The following TP53INP1 variants were observed in gnomAD, a reference collection of about 807,000 sequenced individuals.
The protein encoded by TP53INP1 is tumor protein p53 inducible nuclear protein 1.
TP53INP1 carries 12 observed loss-of-function variants against 21.0 expected under a neutral mutation model. The observed-to-expected ratio is 0.57, with a 90% CI of 0.37 to 0.93. TP53INP1 has a LOEUF of 0.93. Ranked by LOEUF, TP53INP1 falls within the 40% of genes least tolerant of loss-of-function variation. The pLI, the probability that TP53INP1 is intolerant of heterozygous loss-of-function variation, is 0.01. For missense variants in TP53INP1, 274 were observed against 294.7 expected, an observed-to-expected ratio of 0.93 and a Z score of 0.51; for synonymous variants, 91 against 94.8, an observed-to-expected ratio of 0.96 and a Z score of 0.23.
intron 3 of TP53INP1, chr8:94,932,244 GAT>G: frequency 1.2e-6 from 1 of 859,284 alleles, no homozygotes; most frequent in Non-Finnish European, 1.8e-6. Context: ...ATGTGCTTAA[GAT>G]AACATGTAAA....
intron 3 of TP53INP1, among the ~76,000 whole-genome samples, chr8:94,938,326 T>C (rs1355862882): frequency 2.6e-5 from 4 of 152,212 alleles, no homozygotes; most frequent in African/African-American, 4.8e-5. Flanking sequence ...CATATCCTTT[T>C]GTTGTAAGGA....
chr8:94,944,161 C>A (rs1403236978), intron 1 of TP53INP1, among the ~76,000 whole-genome samples: 3 of 152,216 alleles, frequency 2.0e-5, no homozygotes, highest in Admixed American at 2.0e-4. Flanking sequence ...CCCAATTCTG[C>A]AGAGCATGGT....
intron 3 of TP53INP1, among the ~76,000 whole-genome samples, chr8:94,931,587 T>TAC (rs557721378): frequency 0.013 from 873 of 68,602 alleles, 7 homozygotes; most frequent in African/African-American, 0.021. Flanking sequence ...ACATATTTAT[T>TAC]ACACACACAC....
chr8:94,940,443 TTCTGTGTGTG>T (rs1342379432), intron 2 of TP53INP1, among the ~76,000 whole-genome samples: 1 of 85,100 alleles, frequency 1.2e-5, no homozygotes, highest in East Asian at 5.1e-4. Context: ...AGCACAGAAA[TTCTGTGTGTG>T]TGTGTGTGTG....
At position 94,929,335 on chromosome 8, in the gene TP53INP1, G is replaced by A. The variant is rs1042105754; in HGVS notation, c.*1144C>T. 2.6e-5 allele frequency: 4 copies of A among 151,926 alleles called. No individual in the cohort carries two copies. Among genetic ancestry groups the A allele is most frequent in the African/African-American group, 9.7e-5 (4 of 41,326 alleles). 9.4% of individuals were successfully genotyped at this position (151,926 alleles called of 1,614,324 possible). On this transcript the variant is annotated 3_prime_UTR_variant, in exon 4 of 4. Coordinates refer to ENST00000342697, the MANE Select transcript of TP53INP1 (RefSeq NM_033285.4). ...TGGTGGGGGAAACAGAGGCCAGAGTGGTTAAAGATTTTGCCTGAAGTTAAA... is the reference window on the plus strand; with the variant it reads ...TGGTGGGGGAAACAGAGGCCAGAGTAGTTAAAGATTTTGCCTGAAGTTAAA...
rs1820261151 is a variant in TP53INP1, at chr8:94,930,274, C to A, written c.*205G>T. On this transcript the variant is annotated 3_prime_UTR_variant, in exon 4 of 4. Transcript: ENST00000342697. ...TCCAGAAATAATCTGAAAAAGTGTA[C>A]AAAAAAAGTAAATGTTAAAGGCAAG... 1.6e-6 allele frequency: 1 copy of A among 617,150 alleles called. No individual in the cohort carries two copies. The highest frequency in any genetic ancestry group is 1.9e-5 in the African/African-American group (1 of 53,822). 38.2% of individuals were successfully genotyped at this position (617,150 alleles called of 1,614,324 possible).
chr8:94,946,281 C>T (rs1481226441), intron 1 of TP53INP1, among the ~76,000 whole-genome samples: 1 of 152,118 alleles, frequency 6.6e-6, no homozygotes, highest in Non-Finnish European at 1.5e-5. Context: ...CTAATACTCA[C>T]GGGGAAGAGC....
At position 94,940,227 on chromosome 8, in the gene TP53INP1, CGTA is replaced by C. The variant is rs1821392851; in HGVS notation, c.113-10_113-8del. The C allele has an allele frequency of 6.3e-7, 1 of 1,598,688 alleles. No homozygotes were observed. Among genetic ancestry groups the C allele is most frequent in the Admixed American group, 1.7e-5 (1 of 59,142 alleles). On this transcript the variant is annotated splice_polypyrimidine_tract_variant and splice_region_variant and intron_variant, in intron 2 of 3. Transcript: ENST00000342697. ...GAGAAACCAGTGCAAGTATCTAGAT[CGTA>C]GTCCACATTGCAGTCCACATGTGTT...
At chr8:94,940,298 C>G in intron 2 of TP53INP1, 78 bp from the exon 3 acceptor site, 1 of 1,480,426 alleles carries the variant, frequency 6.8e-7, no homozygotes, top group South Asian at 1.4e-5. Context: ...ATTGGGCAGT[C>G]ATTATAAAGT....
In TP53INP1 at chr8:94,940,915, A is replaced by C. The variant is rs1821468248; in HGVS notation, c.27T>G (p.Phe9Leu). Reference protein sequence around the residue: MFQRLNKMFVGEVSSSSNQ... With the variant: MFQRLNKMLVGEVSSSSNQ... ...TGGAGGAAGAACTGACTTCACCCAC[A>C]AACATTTTATTCAGCCTCTGGAACA... The change falls in exon 2 of 4, where the codon TTT becomes TTG. Residue 9 changes from phenylalanine (F) to leucine (L), a missense_variant. Physicochemically the swap from Phe to Leu is conservative, Grantham distance 22. Coordinates refer to ENST00000342697, the MANE Select transcript of TP53INP1 (RefSeq NM_033285.4). 1.2e-6 allele frequency: 2 copies of C among 1,613,766 alleles called. No individual in the cohort carries two copies. The highest frequency in any genetic ancestry group is 4.5e-5 in the East Asian group (2 of 44,866).
chr8:94,932,743 C>T (rs914294416), intron 3 of TP53INP1, among the ~76,000 whole-genome samples: 4 of 152,130 alleles, frequency 2.6e-5, no homozygotes, highest in African/African-American at 7.2e-5. Flanking sequence ...GCGGAGCTTG[C>T]AGTGAGCCGA....
At chr8:94,940,275 G>T (rs746313994) in intron 2 of TP53INP1, 55 bp from the exon 3 acceptor site, 166 of 1,529,232 alleles carry the variant, frequency 1.1e-4, no homozygotes, top group Non-Finnish European at 1.1e-5. Flanking sequence ...TCCCACAGGA[G>T]GATGATTATC....
At chr8:94,943,099 GGCA>G (rs1821699973) in intron 1 of TP53INP1, among the ~76,000 whole-genome samples, 1 of 152,208 alleles carries the variant, frequency 6.6e-6, no homozygotes, top group Non-Finnish European at 1.5e-5. Flanking sequence ...ATGTCCAGCA[GGCA>G]GCAGGATATA....
intron 1 of TP53INP1, among the ~76,000 whole-genome samples, chr8:94,943,256 A>C (rs991348067): frequency 3.3e-5 from 5 of 152,204 alleles, no homozygotes; most frequent in Non-Finnish European, 7.3e-5. Context: ...TGGGAGGCTG[A>C]GGCCACAGGA....
chr8:94,939,885 C>G lies in TP53INP1; in HGVS notation c.448G>C (p.Glu150Gln). ...GLSEATRGTD[E>Q]LHSPSSPRVE... ...CTGGGACTACTTGGGCTATGTAATT[C>G]ATCAGTCCCACGGGTGGCCTCACTG... Residue 150 changes from glutamate (E) to glutamine (Q), a missense_variant, in exon 3 of 4, where the codon GAA (glutamate) becomes CAA (glutamine). Physicochemically the swap from Glu to Gln is conservative, Grantham distance 29 (BLOSUM62 2). Coordinates refer to ENST00000342697, the MANE Select transcript of TP53INP1 (RefSeq NM_033285.4). The G allele has an allele frequency of 6.2e-7, 1 of 1,613,456 alleles. No homozygotes were observed. The highest frequency in any genetic ancestry group is 1.7e-5 in the Admixed American group (1 of 59,988).
intron 2 of TP53INP1, 140 bp from the exon 3 acceptor site, chr8:94,940,360 T>C: frequency 1.1e-6 from 1 of 948,110 alleles, no homozygotes; most frequent in Non-Finnish European, 1.5e-6. Flanking sequence ...TATTAGCTGA[T>C]GCTCACGTAT....
At position 94,930,497 on chromosome 8, in the gene TP53INP1, C is replaced by T. The variant is rs756928155; in HGVS notation, c.705G>A (p.Pro235=). ...GAAACTATTAGTAATTGTACTGACG[C>T]GGGCAGGGCTGATGAACAACCCAGC... ...HNGWVVHQPC[P]RQYNY Residue 235 remains proline, a synonymous_variant, in exon 4 of 4, where the codon CCG becomes CCA. Coordinates refer to ENST00000342697, the MANE Select transcript of TP53INP1 (RefSeq NM_033285.4). 2.5e-5 allele frequency: 41 copies of T among 1,614,082 alleles called. 1 individual carries two copies. Among genetic ancestry groups the T allele is most frequent in the South Asian group, 2.0e-4 (18 of 91,082 alleles).
At position 94,935,119 on chromosome 8, in the gene TP53INP1, GTAGA is replaced by G. The variant is rs1554630988; in HGVS notation, c.474-4395_474-4392del. ...GGTAGGTAGGTAGGTAGGTACATAGGTAGATAGATATAGATAGATAGATAGATAG... is the reference window on the plus strand; with the variant it reads ...GGTAGGTAGGTAGGTAGGTACATAGGTAGATATAGATAGATAGATAGATAG... On this transcript the variant is annotated intron_variant, in intron 3 of 3. Transcript: ENST00000342697. Among the ~76,000 whole-genome samples the G allele has an allele frequency of 1.1e-4, 13 of 115,846 alleles. No individual in the cohort carries two copies. In the South Asian group the frequency reaches 1.2e-3, roughly 11 times the overall value. 76.0% of individuals were successfully genotyped at this position (115,846 alleles called of 152,430 possible).
At chr8:94,934,173 G>T (rs562005652) in intron 3 of TP53INP1, among the ~76,000 whole-genome samples, 7 of 151,948 alleles carry the variant, frequency 4.6e-5, no homozygotes, top group African/African-American at 1.7e-4. Context: ...CAATCTGGAA[G>T]GATATACTCT....
Sources: allele counts gnomAD v4.1 joint callset (sites outside exome capture counted in the v4.1 genomes callset), GRCh38; gene constraint gnomAD v4.1.1; transcripts MANE v1.5; gene names NCBI Gene and HGNC (gene_info 2026-07-23, HGNC 2026-07-21).